Variants in ERBB4 observed in about 807,000 individuals in gnomAD.
ERBB4 encodes the protein receptor tyrosine-protein kinase erbB-4.
In ERBB4, 42 loss-of-function variants were observed where a neutral mutation model predicts 158.0. The ratio of observed to expected loss-of-function variants is 0.27; its 90% CI spans 0.21 to 0.34. The LOEUF is 0.34. Ranked by LOEUF, ERBB4 falls within the 10% of genes least tolerant of loss-of-function variation. ERBB4 has a pLI of 1.00. For missense variants in ERBB4, 1,333 were observed against 1,624.1 expected (o/e 0.82, Z 3.08); for synonymous variants, 583 against 558.7 (o/e 1.04, Z -0.61).
intron 16 of ERBB4, among the ~76,000 whole-genome samples, chr2:211,630,921 C>T (rs540847412): frequency 2.0e-5 from 3 of 152,084 alleles, no homozygotes; most frequent in Non-Finnish European, 2.9e-5. Flanking sequence ...TTGGTGTTGG[C>T]GCATTTAATA....
chr2:212,100,299 C>T (rs947337294), intron 2 of ERBB4, among the ~76,000 whole-genome samples: 2 of 152,140 alleles, frequency 1.3e-5, no homozygotes, highest in Non-Finnish European at 2.9e-5. Context: ...GAAGAGAGGA[C>T]AGGTGAAACA....
At position 211,386,921 on chromosome 2, in the gene ERBB4, T is replaced by C. The variant is rs753505906; in HGVS notation, c.3413A>G (p.Glu1138Gly). ...ATCCAGCTCTCCTCGTGGGCTCCGT[T>C]CTGGGGCAAACACGGTGGGGTCAGC... Reference protein sequence around the residue: ...YSADPTVFAPERSPRGELDEE... With the variant: ...YSADPTVFAPGRSPRGELDEE... Residue 1138 changes from glutamate to glycine, a missense_variant, in exon 27 of 28, where the codon GAA becomes GGA. Around this residue, in one of 5 missense-constraint regions of ERBB4, gnomAD observed 252 missense variants for 241.3 expected, o/e 1.04. Coordinates refer to ENST00000342788, the MANE Select transcript of ERBB4 (RefSeq NM_005235.3). 2.1e-5 allele frequency: 34 copies of C among 1,614,046 alleles called. No homozygotes were observed. Among genetic ancestry groups the C allele is most frequent in the Middle Eastern group, 1.6e-4 (1 of 6,084 alleles).
chr2:212,403,280 C>T (rs1221344706), intron 1 of ERBB4, among the ~76,000 whole-genome samples: 2 of 152,014 alleles, frequency 1.3e-5, no homozygotes, highest in East Asian at 1.9e-4. Context: ...CTTGGATCCT[C>T]GGAAATTTTG....
chr2:212,446,377 C>T (rs1274207464), intron 1 of ERBB4, among the ~76,000 whole-genome samples: 1 of 150,916 alleles, frequency 6.6e-6, no homozygotes, highest in East Asian at 2.0e-4. Flanking sequence ...AAATATAAAG[C>T]AGGCAGAAAA....
At chr2:211,889,027 C>T (rs1374251551) in intron 3 of ERBB4, among the ~76,000 whole-genome samples, 3 of 144,264 alleles carry the variant, frequency 2.1e-5, no homozygotes, top group South Asian at 4.2e-4. Context: ...CCAGGAAGCT[C>T]GAACTGGGTA....
rs79375771 is a variant in ERBB4 at position 212,149,317 on chromosome 2, G to T, written c.83-24414C>A. On this transcript the variant is annotated intron_variant, in intron 1 of 27. Coordinates refer to ENST00000342788, the MANE Select transcript of ERBB4 (RefSeq NM_005235.3). Reference sequence around the variant, plus strand: ...TATCACCTTTAAAAGTTCACATACAGTGACACAGAACTTTCAAACTATAGT... The same window carrying T: ...TATCACCTTTAAAAGTTCACATACATTGACACAGAACTTTCAAACTATAGT... Among the ~76,000 whole-genome samples, 1,005 of 152,158 alleles carry T rather than the reference G, an allele frequency of 6.6e-3. 7 individuals are homozygous for T. Among genetic ancestry groups the T allele is most frequent in the Middle Eastern group, 0.024 (7 of 294 alleles).
intron 8 of ERBB4, among the ~76,000 whole-genome samples, chr2:211,712,882 G>A (rs1274096626): frequency 6.6e-6 from 1 of 151,834 alleles, no homozygotes; most frequent in African/African-American, 2.4e-5. Context: ...CCTTTTCTAG[G>A]GCACTCCCTG....
intron 4 of ERBB4, among the ~76,000 whole-genome samples, chr2:211,763,897 T>TACATACACACACACACAC (rs2075479814): frequency 6.7e-6 from 1 of 149,968 alleles, no homozygotes; most frequent in Non-Finnish European, 1.5e-5. Flanking sequence ...TGCGTGTGTA[T>TACATACACACACACACAC]ACACACACAC....
At chr2:212,292,639 G>A (rs1270879781) in intron 1 of ERBB4, among the ~76,000 whole-genome samples, 1 of 151,990 alleles carries the variant, frequency 6.6e-6, no homozygotes, top group East Asian at 1.9e-4. Context: ...TTAATTATAA[G>A]TACACAGCAG....
intron 1 of ERBB4, among the ~76,000 whole-genome samples, chr2:212,282,475 C>G (rs1301470547): frequency 2.0e-5 from 3 of 151,902 alleles, no homozygotes; most frequent in African/African-American, 7.2e-5. Context: ...GATACAAACT[C>G]TATTTGATTA....
chr2:212,223,424 TATA>T (rs1416708528), intron 1 of ERBB4, among the ~76,000 whole-genome samples: 3 of 76,518 alleles, frequency 3.9e-5, no homozygotes, highest in African/African-American at 6.1e-5. Flanking sequence ...TATATATATA[TATA>T]TTTTTTTTAT....
At chr2:212,138,176 G>T (rs1396132441) in intron 1 of ERBB4, among the ~76,000 whole-genome samples, 1 of 152,066 alleles carries the variant, frequency 6.6e-6, no homozygotes, top group African/African-American at 2.4e-5. Context: ...CACAATCAAA[G>T]TCAAAGTTCA....
chr2:211,622,994 T>A (rs1287365266), intron 18 of ERBB4, among the ~76,000 whole-genome samples: 184 of 6,970 alleles, frequency 0.026, 29 homozygotes, highest in African/African-American at 0.086. Context: ...AAAAAAAATA[T>A]ATATATATAT....
intron 1 of ERBB4, among the ~76,000 whole-genome samples, chr2:212,409,157 T>C (rs565221769): frequency 6.6e-5 from 10 of 152,246 alleles, no homozygotes; most frequent in African/African-American, 2.4e-4. Context: ...GAAATGAATA[T>C]AGCTTGGACA....
Position 211,679,103 on chromosome 2 carries a change from C to T in ERBB4, c.1571G>A (p.Arg524His), listed in dbSNP as rs371593463. 70 of 1,613,626 alleles carry T rather than the reference C, an allele frequency of 4.3e-5. No individual in the cohort carries two copies. Among genetic ancestry groups the T allele is most frequent in the African/African-American group, 1.1e-4 (8 of 74,996 alleles). ...GPGPDQCLSC[R>H]RFSRGRICIE... Reference sequence around the variant, plus strand: ...GCAGATCCTTCCTCTACTGAAGCGGCGACACGACAGACATTGGTCTGGCCC... The same window carrying T: ...GCAGATCCTTCCTCTACTGAAGCGGTGACACGACAGACATTGGTCTGGCCC... Residue 524 changes from arginine to histidine, a missense_variant, in exon 13 of 28, where the codon CGC becomes CAC. Arg to His is a conservative substitution (Grantham distance 29, BLOSUM62 0). Coordinates refer to ENST00000342788, the MANE Select transcript of ERBB4 (RefSeq NM_005235.3).
At chr2:212,172,945 A>G (rs980134077) in intron 1 of ERBB4, among the ~76,000 whole-genome samples, 4 of 152,154 alleles carry the variant, frequency 2.6e-5, no homozygotes, top group Admixed American at 6.6e-5. Flanking sequence ...ACTTAGTTGG[A>G]AATTTTAAAA....
chr2:211,639,396 A>C (rs1290109573), intron 16 of ERBB4, among the ~76,000 whole-genome samples: 1 of 152,202 alleles, frequency 6.6e-6, no homozygotes, highest in Non-Finnish European at 1.5e-5. Flanking sequence ...ATTAGGTACC[A>C]AAATTGTTCA....
Position 211,750,662 on chromosome 2 carries a change from G to A in ERBB4, c.599C>T (p.Pro200Leu). ...ACAAGTCTGGCAATGATTTTCTGTGGGTCCCCAGCAACGGCCAGTACAGGA... is the reference window on the plus strand; with the variant it reads ...ACAAGTCTGGCAATGATTTTCTGTGAGTCCCCAGCAACGGCCAGTACAGGA... Reference protein sequence around the residue: ...HKSCTGRCWGPTENHCQTLTR... With the variant: ...HKSCTGRCWGLTENHCQTLTR... The change falls in exon 5 of 28, where the codon CCC becomes CTC. Residue 200 changes from proline to leucine, a missense_variant. Pro to Leu is a moderately conservative substitution (Grantham distance 98). Coordinates refer to ENST00000342788, the MANE Select transcript of ERBB4 (RefSeq NM_005235.3). 1 of 1,613,840 alleles carries A rather than the reference G, an allele frequency of 6.2e-7. No homozygotes were observed. The highest frequency in any genetic ancestry group is 8.5e-7 in the Non-Finnish European group (1 of 1,179,866).
chr2:212,124,663 C>T (rs2125569901), intron 2 of ERBB4, 89 bp downstream of exon 2: 2 of 1,441,926 alleles, frequency 1.4e-6, no homozygotes, highest in Non-Finnish European at 2.0e-6. Flanking sequence ...GAAGAGCACC[C>T]CTTCCAGGTA....
Sources: gnomAD v4.1 joint callset for allele counts (sites outside exome capture counted in the v4.1 genomes callset) on GRCh38, gnomAD v4.1.1 for gene constraint, gnomAD v4.1.1 regional missense constraint, MANE v1.5 for transcripts, NCBI Gene and HGNC (gene_info 2026-07-23, HGNC 2026-07-21) for gene names.